The following GMDS variants were observed in gnomAD, a reference collection of about 807,000 sequenced individuals.
The protein encoded by GMDS is GDP-mannose 4,6-dehydratase, also known as GDP-mannose 4,6 dehydratase.
In GMDS, 20 loss-of-function variants were observed where a neutral mutation model predicts 49.9. The observed-to-expected ratio is 0.40, with a 90% CI of 0.28 to 0.58. The LOEUF (loss-of-function observed/expected upper bound fraction) is 0.58. GMDS is among the 20% of genes least tolerant of loss of function. The probability of loss-of-function intolerance (pLI) is 0.42; values close to 1 mark genes in which losing one functional copy is unlikely to be tolerated. For synonymous variants in GMDS, 177 were observed against 178.6 expected (o/e 0.99, Z 0.07); for missense variants, 362 against 481.4 (o/e 0.75, Z 2.32).
intron 4 of GMDS, among the ~76,000 whole-genome samples, chr6:2,008,670 T>C (rs1767355113): frequency 6.6e-6 from 1 of 152,374 alleles, no homozygotes; most frequent in East Asian, 1.9e-4. Context: ...ACCATATCAA[T>C]AGGCCAAGAC....
chr6:1,949,104 T>C, intron 6 of GMDS: 1 of 767,704 alleles, frequency 1.3e-6, no homozygotes, highest in South Asian at 5.9e-5. Context: ...GCTTTCAGCA[T>C]TGAAAATACA....
chr6:1,897,573 C>T (rs943969745), intron 7 of GMDS, among the ~76,000 whole-genome samples: 1 of 152,088 alleles, frequency 6.6e-6, no homozygotes, highest in East Asian at 1.9e-4. Flanking sequence ...ATTTAAGGGA[C>T]AATCTGAAGA....
chr6:1,824,192 A>G (rs150319257), intron 7 of GMDS, among the ~76,000 whole-genome samples: 10 of 152,172 alleles, frequency 6.6e-5, no homozygotes, highest in African/African-American at 2.4e-4. Flanking sequence ...TATGTGATTG[A>G]GTTGCCTTAT....
chr6:2,093,689 A>T (rs1773443050), intron 4 of GMDS, among the ~76,000 whole-genome samples: 1 of 152,176 alleles, frequency 6.6e-6, no homozygotes, highest in Admixed American at 6.5e-5. Context: ...ATCTTATAAA[A>T]ATTAAATTCT....
At chr6:2,082,241 T>A (rs974566368) in intron 4 of GMDS, among the ~76,000 whole-genome samples, 17 of 152,138 alleles carry the variant, frequency 1.1e-4, no homozygotes, top group Admixed American at 2.0e-4. Flanking sequence ...CATCAGCTGA[T>A]GACATTTACC....
At chr6:1,887,859 C>T (rs1759679786) in intron 7 of GMDS, among the ~76,000 whole-genome samples, 1 of 152,024 alleles carries the variant, frequency 6.6e-6, no homozygotes, top group African/African-American at 2.4e-5. Flanking sequence ...CTCCTATATA[C>T]CTTAAATCAT....
At position 1,777,970 on chromosome 6, in the gene GMDS, G is replaced by C. The variant is rs142960525; in HGVS notation, c.772-35384C>G. Among the ~76,000 whole-genome samples, 16 of 152,212 alleles carry C rather than the reference G, an allele frequency of 1.1e-4. No homozygotes were observed. In the East Asian group the frequency reaches 3.1e-3, roughly 29 times the overall value. On this transcript the variant is annotated intron_variant, in intron 7 of 10. Coordinates refer to ENST00000380815, the MANE Select transcript of GMDS (RefSeq NM_001500.4). ...ATGCTGAATTCTTTCCCTAGAAATAGAGGTAAACACAGCTAACAGATGGAA... is the reference window on the plus strand; with the variant it reads ...ATGCTGAATTCTTTCCCTAGAAATACAGGTAAACACAGCTAACAGATGGAA...
chr6:1,674,936 C>A (rs996474812), intron 9 of GMDS, among the ~76,000 whole-genome samples: 3 of 151,530 alleles, frequency 2.0e-5, no homozygotes, highest in African/African-American at 7.3e-5. Context: ...TTTTAAATTT[C>A]TTTCTTTTTT....
chr6:1,701,733 TA>T (rs1765550481), intron 9 of GMDS, among the ~76,000 whole-genome samples: 1 of 151,904 alleles, frequency 6.6e-6, no homozygotes, highest in Non-Finnish European at 1.5e-5. Context: ...AATATATATT[TA>T]TTATAATAAA....
chr6:1,954,851 G>C (rs1006878248), intron 6 of GMDS, among the ~76,000 whole-genome samples: 1 of 152,098 alleles, frequency 6.6e-6, no homozygotes, highest in Non-Finnish European at 1.5e-5. Flanking sequence ...ACGGGGCGGC[G>C]GTGGCAGGGG....
intron 1 of GMDS, among the ~76,000 whole-genome samples, chr6:2,129,094 T>C (rs562127893): frequency 1.6e-4 from 24 of 152,314 alleles, no homozygotes; most frequent in Middle Eastern, 3.4e-3. Context: ...GACAGAGTTA[T>C]GTAAAAATTA....
intron 4 of GMDS, among the ~76,000 whole-genome samples, chr6:1,978,189 C>A (rs1311713682): frequency 1.3e-5 from 2 of 152,178 alleles, no homozygotes; most frequent in African/African-American, 2.4e-5. Flanking sequence ...GGAAGGGTCC[C>A]CCCAGCAGTG....
intron 4 of GMDS, among the ~76,000 whole-genome samples, chr6:1,987,872 G>A (rs1765657750): frequency 1.3e-5 from 2 of 152,166 alleles, no homozygotes; most frequent in Admixed American, 1.3e-4. Flanking sequence ...TGACAAGTCT[G>A]TGAGTCAGGG....
At chr6:1,665,821 A>G (rs1764217657) in intron 9 of GMDS, among the ~76,000 whole-genome samples, 1 of 152,250 alleles carries the variant, frequency 6.6e-6, no homozygotes, top group Non-Finnish European at 1.5e-5. Flanking sequence ...TCATGTCTTC[A>G]GGCTACAAGG....
At chr6:1,929,599 G>A (rs1181411672) in intron 7 of GMDS, among the ~76,000 whole-genome samples, 2 of 152,096 alleles carry the variant, frequency 1.3e-5, no homozygotes, top group African/African-American at 2.4e-5. Context: ...AAAGCTCAAC[G>A]ACATGCAATA....
chr6:2,121,695 T>C (rs1775147141), intron 2 of GMDS, among the ~76,000 whole-genome samples: 1 of 152,214 alleles, frequency 6.6e-6, no homozygotes, highest in African/African-American at 2.4e-5. Context: ...TATTTTTGCT[T>C]TAAGGCTAGC....
At chr6:1,695,338 G>A (rs983830701) in intron 9 of GMDS, among the ~76,000 whole-genome samples, 5 of 152,188 alleles carry the variant, frequency 3.3e-5, no homozygotes, top group African/African-American at 1.2e-4. Context: ...TGAAACGGTA[G>A]AATGAAATTC....
chr6:1,711,236 G>A (rs755565657), intron 9 of GMDS, among the ~76,000 whole-genome samples: 5 of 152,222 alleles, frequency 3.3e-5, no homozygotes, highest in Non-Finnish European at 7.3e-5. Context: ...CCCACTTACC[G>A]AGGCTTGGCC....
intron 4 of GMDS, among the ~76,000 whole-genome samples, chr6:2,027,071 G>C (rs567934187): frequency 4.5e-4 from 69 of 152,296 alleles, no homozygotes; most frequent in African/African-American, 1.5e-3. Context: ...ACAGGAACCA[G>C]AGAATATAGT....
Sources: gnomAD v4.1 joint callset for allele counts (sites outside exome capture counted in the v4.1 genomes callset) on GRCh38, gnomAD v4.1.1 for gene constraint, MANE v1.5 for transcripts, NCBI Gene and HGNC (gene_info 2026-07-23, HGNC 2026-07-21) for gene names.